Variants in ARNT2 observed in about 807,000 individuals in gnomAD.
ARNT2 encodes ARNT protein 2.
A neutral mutation model predicts 91.7 loss-of-function variants in ARNT2; 36 were observed. That is an observed-to-expected ratio of 0.39 (90% CI 0.30 to 0.52). ARNT2 has a LOEUF of 0.52. Among genes scored for constraint, ARNT2 ranks in the 20% least tolerant of loss-of-function variants. The pLI, the probability that ARNT2 is intolerant of heterozygous loss-of-function variation, is 0.72. For synonymous variants in ARNT2, 365 were observed against 347.1 expected (o/e 1.05, Z -0.57); for missense variants, 775 against 939.3 (o/e 0.83, Z 2.29).
chr15:80,540,945 C>T (rs1049335052), intron 8 of ARNT2, among the ~76,000 whole-genome samples: 13 of 152,066 alleles, frequency 8.5e-5, no homozygotes, highest in Non-Finnish European at 1.3e-4. Context: ...GTGAATAATG[C>T]TGTGATGAGG....
intron 4 of ARNT2, among the ~76,000 whole-genome samples, chr15:80,471,474 T>C (rs894639885): frequency 1.3e-5 from 2 of 152,178 alleles, no homozygotes; most frequent in African/African-American, 4.8e-5. Flanking sequence ...TAACAAATTT[T>C]CGTGACATGA....
chr15:80,406,634 A>G lies in ARNT2; in HGVS notation c.31+2088A>G, dbSNP rs1041571353. On this transcript the variant is annotated intron_variant, in intron 1 of 18. Coordinates refer to ENST00000303329, the MANE Select transcript of ARNT2 (RefSeq NM_014862.4). ...TAACTGCCCCTGGCCCCGTGGTGTG[A>G]AGCACAGGAAAGCCTGTGCCTGTGC... Among the ~76,000 whole-genome samples, 18 of 152,298 alleles carry G rather than the reference A, an allele frequency of 1.2e-4. 2 individuals carry two copies. Among genetic ancestry groups the G allele is most frequent in the Admixed American group, 7.2e-4 (11 of 15,294 alleles).
intron 6 of ARNT2, among the ~76,000 whole-genome samples, chr15:80,513,428 G>A (rs375457605): frequency 6.6e-6 from 1 of 152,322 alleles, no homozygotes; most frequent in African/African-American, 2.4e-5. Flanking sequence ...TGTATGGGAG[G>A]AGAGAGTTTC....
At chr15:80,409,940 G>T (rs1230359045) in intron 1 of ARNT2, among the ~76,000 whole-genome samples, 1 of 152,156 alleles carries the variant, frequency 6.6e-6, no homozygotes, top group Non-Finnish European at 1.5e-5. Context: ...GTGAGAAGCT[G>T]GAGCTGCGGT....
intron 12 of ARNT2, among the ~76,000 whole-genome samples, chr15:80,567,077 T>C (rs1567003612): frequency 6.6e-6 from 1 of 151,722 alleles, no homozygotes; most frequent in Non-Finnish European, 1.5e-5. Context: ...TTGAAGAAAA[T>C]AGGGAAGCTT....
At chr15:80,471,971 A>G (rs1413775131) in intron 4 of ARNT2, among the ~76,000 whole-genome samples, 1 of 151,768 alleles carries the variant, frequency 6.6e-6, no homozygotes, top group African/African-American at 2.4e-5. Flanking sequence ...GTCATAGGGC[A>G]AGTTGGCAAA....
intron 2 of ARNT2, among the ~76,000 whole-genome samples, 164 bp from the exon 3 acceptor site, chr15:80,457,765 C>T (rs990242261): frequency 3.9e-5 from 6 of 152,202 alleles, no homozygotes; most frequent in African/African-American, 1.4e-4. Context: ...TTGTCTTGAA[C>T]CCGTTTGATG....
chr15:80,409,636 G>T (rs903430939), intron 1 of ARNT2, among the ~76,000 whole-genome samples: 1 of 152,310 alleles, frequency 6.6e-6, no homozygotes, highest in East Asian at 1.9e-4. Context: ...CCATCATGCT[G>T]CTTGCTAGCA....
intron 17 of ARNT2, among the ~76,000 whole-genome samples, chr15:80,588,321 GCCAC>G (rs1893214212): frequency 6.6e-6 from 1 of 151,856 alleles, no homozygotes; most frequent in Non-Finnish European, 1.5e-5. Context: ...TGTGTTTTGA[GCCAC>G]TGTCGTCTCT....
chr15:80,501,479 C>T (rs762511613), intron 5 of ARNT2, among the ~76,000 whole-genome samples: 39 of 152,294 alleles, frequency 2.6e-4, no homozygotes, highest in Non-Finnish European at 5.3e-4. Flanking sequence ...TGTTCGTGTG[C>T]GTGACTTTTC....
At chr15:80,476,951 G>A (rs1485870074) in intron 5 of ARNT2, among the ~76,000 whole-genome samples, 1 of 152,200 alleles carries the variant, frequency 6.6e-6, no homozygotes, top group Non-Finnish European at 1.5e-5. Context: ...GGGTTCGCCT[G>A]AATGGTTTAG....
intron 12 of ARNT2, among the ~76,000 whole-genome samples, chr15:80,567,030 G>C (rs1010142977): frequency 1.3e-5 from 2 of 152,204 alleles, no homozygotes; most frequent in Non-Finnish European, 2.9e-5. Context: ...AAGCAGAGAG[G>C]TACCACCTCT....
chr15:80,476,568 C>A (rs1162824065), intron 5 of ARNT2, among the ~76,000 whole-genome samples: 4 of 152,156 alleles, frequency 2.6e-5, no homozygotes, highest in African/African-American at 7.2e-5. Context: ...GTTGTATTCC[C>A]ACTTGCTTTT....
chr15:80,584,828 A>T (rs1275435406), intron 17 of ARNT2, among the ~76,000 whole-genome samples: 1 of 152,136 alleles, frequency 6.6e-6, no homozygotes, highest in African/African-American at 2.4e-5. Context: ...AATGCGGTTG[A>T]TCCCAGCCTC....
chr15:80,410,514 G>C (rs1168419426), intron 1 of ARNT2, among the ~76,000 whole-genome samples: 2 of 152,282 alleles, frequency 1.3e-5, no homozygotes, highest in East Asian at 3.9e-4. Context: ...CATGCTCCCA[G>C]AGATCTGGGC....
At chr15:80,566,397 C>T (rs7167873) in intron 12 of ARNT2, among the ~76,000 whole-genome samples, 59,265 of 151,992 alleles carry the variant, frequency 0.39, 12,669 homozygotes, top group Non-Finnish European at 0.48. Context: ...GGCAAAGCCT[C>T]CTCCTTCCAG....
chr15:80,522,835 T>C (rs928833600), intron 8 of ARNT2, among the ~76,000 whole-genome samples: 25 of 149,082 alleles, frequency 1.7e-4, no homozygotes, highest in East Asian at 5.8e-4. Flanking sequence ...TATATATATA[T>C]ACACACATTA....
chr15:80,521,372 A>G (rs1027042947), intron 8 of ARNT2, among the ~76,000 whole-genome samples: 1 of 152,196 alleles, frequency 6.6e-6, no homozygotes, highest in Admixed American at 6.5e-5. Flanking sequence ...GTGGTACACA[A>G]AATATCCTGG....
rs566575018 is a variant in ARNT2, at chr15:80,574,043, C to T, written c.1317-105C>T. The T allele has an allele frequency of 5.6e-5, 48 of 850,594 alleles. 1 individual carries two copies. The Middle Eastern group carries it at 6.7e-4, about 12-fold the overall frequency. The allele number at this position is 850,594 out of a possible 1,614,324, so 52.7% of individuals were successfully genotyped here. On this transcript the variant is annotated intron_variant, in intron 12 of 18. Coordinates refer to ENST00000303329, the MANE Select transcript of ARNT2 (RefSeq NM_014862.4). ...AATGGAAAACAATGTAGAGATCCAT[C>T]GGATATCACCCACTCTGCCTCTGAG...
Sources: allele counts gnomAD v4.1 joint callset (sites outside exome capture counted in the v4.1 genomes callset), GRCh38; gene constraint gnomAD v4.1.1; transcripts MANE v1.5; gene names NCBI Gene and HGNC (gene_info 2026-07-23, HGNC 2026-07-21).